Variants in CPT2 observed in about 807,000 individuals in gnomAD.
CPT2 encodes the protein carnitine palmitoyltransferase 2.
In CPT2, 37 loss-of-function variants were observed where a neutral mutation model predicts 48.6. The ratio of observed to expected loss-of-function variants is 0.76; its 90% confidence interval spans 0.59 to 1.00. The LOEUF is 1.00. CPT2 is among the 50% of genes least tolerant of loss of function. The pLI is 0.00. For missense variants in CPT2, 772 were observed against 825.6 expected, an observed-to-expected ratio of 0.94 and a Z score of 0.80; for synonymous variants, 319 against 326.9, an observed-to-expected ratio of 0.98 and a Z score of 0.26.
chr1:53,197,735 G>A (rs931857961), intron 1 of CPT2, among the ~76,000 whole-genome samples: 4 of 151,650 alleles, frequency 2.6e-5, no homozygotes, highest in Middle Eastern at 3.2e-3. Flanking sequence ...GTGTTCACCC[G>A]GAAACCTTTC....
At chr1:53,197,568 A>C (rs1572378657) in intron 1 of CPT2, 5 of 242,966 alleles carry the variant, frequency 2.1e-5, no homozygotes, top group South Asian at 4.1e-5. Context: ...CACCGCCTTC[A>C]CCCCTGTCAC....
In CPT2 at chr1:53,196,862, C is replaced by T. The variant is rs561846692; in HGVS notation, c.-82C>T. 1.3e-6 allele frequency: 2 copies of T among 1,498,054 alleles called. No individual in the cohort carries two copies. Among genetic ancestry groups the T allele is most frequent in the African/African-American group, 1.4e-5 (1 of 70,752 alleles). 92.8% of individuals were successfully genotyped at this position (1,498,054 alleles called of 1,614,324 possible). ...AGGAGTCCTGACGCAGTGTCTTGGG[C>T]GCTAACGGCGGCGGCGGCCTTGTGT... On this transcript the variant is annotated 5_prime_UTR_variant, in exon 1 of 5. Transcript: ENST00000371486.
chr1:53,206,974 TC>T (rs1440581238), intron 3 of CPT2, among the ~76,000 whole-genome samples: 1 of 152,162 alleles, frequency 6.6e-6, no homozygotes, highest in African/African-American at 2.4e-5. Context: ...ATTGTAATAA[TC>T]CCCAAGTGTC....
intron 3 of CPT2, 181 bp downstream of exon 3, chr1:53,202,610 T>C: frequency 1.5e-6 from 1 of 650,842 alleles, no homozygotes; most frequent in Non-Finnish European, 2.8e-6. Context: ...TACTGAGGTG[T>C]TGACTTGAGC....
At chr1:53,209,959 T>C in intron 3 of CPT2, 56 bp from the exon 4 acceptor site, 1 of 1,491,012 alleles carries the variant, frequency 6.7e-7, no homozygotes, top group Non-Finnish European at 9.3e-7. Flanking sequence ...TCTTCAAATT[T>C]TATTTTTAGG....
At chr1:53,197,668 C>T (rs1209795692) in intron 1 of CPT2, among the ~76,000 whole-genome samples, 2 of 151,960 alleles carry the variant, frequency 1.3e-5, no homozygotes, top group African/African-American at 4.8e-5. Context: ...GAAGTGTTCA[C>T]CCTTGTCCTC....
In CPT2 at chr1:53,196,889, T is replaced by C. The variant is rs989720857; in HGVS notation, c.-55T>C. On this transcript the variant is annotated 5_prime_UTR_variant, in exon 1 of 5. Transcript: ENST00000371486. ...CTAACGGCGGCGGCGGCCTTGTGTT[T>C]AGACTCCAGAACTCCCCACTTGCCG... 2.7e-4 allele frequency: 415 copies of C among 1,527,348 alleles called. No homozygotes were observed. Among genetic ancestry groups the C allele is most frequent in the Non-Finnish European group, 3.5e-4 (402 of 1,143,784 alleles). 94.6% of individuals were successfully genotyped at this position (1,527,348 alleles called of 1,614,324 possible).
intron 3 of CPT2, among the ~76,000 whole-genome samples, chr1:53,205,572 A>G (rs1238781828): frequency 1.3e-5 from 2 of 152,260 alleles, no homozygotes; most frequent in Non-Finnish European, 1.5e-5. Flanking sequence ...AGAAATTTGC[A>G]TAAGTAATGA....
Position 53,196,840 on chromosome 1 carries a change from A to C in CPT2, c.-104A>C. The C allele has an allele frequency of 7.1e-7, 1 of 1,413,062 alleles. No individual in the cohort carries two copies. The highest frequency in any genetic ancestry group is 2.6e-5 in the East Asian group (1 of 38,364). 87.5% of individuals were successfully genotyped at this position (1,413,062 alleles called of 1,614,324 possible). On this transcript the variant is annotated 5_prime_UTR_variant, in exon 1 of 5. Coordinates refer to ENST00000371486, the MANE Select transcript of CPT2 (RefSeq NM_000098.3). ...CCTGCGGGCGGAGAAGTGCCTCAGGAGTCCTGACGCAGTGTCTTGGGCGCT... is the reference window on the plus strand; with the variant it reads ...CCTGCGGGCGGAGAAGTGCCTCAGGCGTCCTGACGCAGTGTCTTGGGCGCT...
rs1251913291 is a variant in CPT2, at chr1:53,197,232, A to T, written c.152+137A>T. The T allele has an allele frequency of 3.7e-6, 4 of 1,083,776 alleles. No homozygotes were observed. In the Admixed American group the frequency reaches 6.0e-5, roughly 16 times the overall value. The allele number at this position is 1,083,776 out of a possible 1,614,324, so 67.1% of individuals were successfully genotyped here. A position where few individuals can be genotyped will look rare whatever the true frequency, so the allele number is the denominator to read the frequency against. ...TACCATGGAGGCTGCCACAGCCCCT[A>T]ATCTGGAAGTCTTGGGACTTTTCAC... On this transcript the variant is annotated intron_variant, in intron 1 of 4. Transcript: ENST00000371486.
chr1:53,206,182 CAAAAAAAA>C (rs951448638), intron 3 of CPT2, among the ~76,000 whole-genome samples: 3 of 58,926 alleles, frequency 5.1e-5, no homozygotes, highest in Admixed American at 1.8e-4. Context: ...GACTCCATTT[CAAAAAAAA>C]AAAAAAAAAA....
chr1:53,200,120 ATTGCTGTT>A (rs1438112889), intron 1 of CPT2: 1 of 153,008 alleles, frequency 6.5e-6, no homozygotes, highest in Non-Finnish European at 1.5e-5. Flanking sequence ...AAGTAGGCAA[ATTGCTGTT>A]CCTGTTATTT....
chr1:53,203,652 C>G (rs1156840242), intron 3 of CPT2: 1 of 152,222 alleles, frequency 6.6e-6, no homozygotes, highest in African/African-American at 2.4e-5. Flanking sequence ...TTGTGAACCT[C>G]TTGGCCTACT....
intron 3 of CPT2, among the ~76,000 whole-genome samples, chr1:53,205,837 T>C (rs1645384178): frequency 6.6e-6 from 1 of 152,208 alleles, no homozygotes; most frequent in Non-Finnish European, 1.5e-5. Context: ...CATTGGAGGC[T>C]TCCCCATGGT....
chr1:53,202,286 A>C, intron 2 of CPT2, 37 bp from the exon 3 acceptor site: 31 of 1,481,386 alleles, frequency 2.1e-5, no homozygotes, highest in Non-Finnish European at 2.8e-5. Context: ...TGTATTCCCT[A>C]CCATGGTTTG....
rs1269524902 is a variant in CPT2, at chr1:53,213,780, T to C, written c.*185T>C. On this transcript the variant is annotated 3_prime_UTR_variant, in exon 5 of 5. Transcript: ENST00000371486. ...CTTGTCTCTACTAAAAATACAAAAA[T>C]TAGCTGGGTGTGGTGGCATGTGCCT... 2 of 585,488 alleles carry C rather than the reference T, an allele frequency of 3.4e-6. No individual in the cohort carries two copies. The highest frequency in any genetic ancestry group is 5.7e-5 in the Admixed American group (2 of 35,236). 36.3% of individuals were successfully genotyped at this position (585,488 alleles called of 1,614,324 possible).
rs1572384488 is a variant in CPT2 at position 53,209,796 on chromosome 1, A to G, written c.341-219A>G. 53 of 585,448 alleles carry G rather than the reference A, an allele frequency of 9.1e-5. 1 individual carries two copies. In the East Asian group the frequency reaches 1.5e-3, roughly 16 times the overall value. The allele number at this position is 585,448 out of a possible 1,614,324, so 36.3% of individuals were successfully genotyped here. On this transcript the variant is annotated intron_variant, in intron 3 of 4. Coordinates refer to ENST00000371486, the MANE Select transcript of CPT2 (RefSeq NM_000098.3). ...CGTCCCAAAAAAACAAAACAAAAACATTATTGTAAGTGATAGAAGCTAAAT... is the reference window on the plus strand; with the variant it reads ...CGTCCCAAAAAAACAAAACAAAAACGTTATTGTAAGTGATAGAAGCTAAAT...
chr1:53,205,719 C>T (rs1052563440), intron 3 of CPT2, among the ~76,000 whole-genome samples: 39 of 152,250 alleles, frequency 2.6e-4, no homozygotes, highest in African/African-American at 9.4e-4. Context: ...CTGTTCTGTG[C>T]AGCCTCGGGA....
In CPT2 at chr1:53,210,635, G is replaced by T; in HGVS notation, c.961G>T (p.Ala321Ser). The change falls in exon 4 of 5, where the codon GCA becomes TCA. Residue 321 changes from alanine (A) to serine (S), a missense_variant. Ala to Ser is a moderately conservative substitution (Grantham distance 99). Coordinates refer to ENST00000371486, the MANE Select transcript of CPT2 (RefSeq NM_000098.3). Reference sequence around the variant, plus strand: ...GGAGAGCCTGAGGAAAGTGGACTCGGCAGTGTTCTGTCTCTGCCTAGATGA... The same window carrying T: ...GGAGAGCCTGAGGAAAGTGGACTCGTCAGTGTTCTGTCTCTGCCTAGATGA... ...NEESLRKVDSAVFCLCLDDFP... is the reference protein window; with the variant it reads ...NEESLRKVDSSVFCLCLDDFP... 1.2e-6 allele frequency: 2 copies of T among 1,614,138 alleles called. No homozygotes were observed. Among genetic ancestry groups the T allele is most frequent in the Non-Finnish European group, 1.7e-6 (2 of 1,180,028 alleles).
Sources: allele counts gnomAD v4.1 joint callset (sites outside exome capture counted in the v4.1 genomes callset), GRCh38; gene constraint gnomAD v4.1.1; transcripts MANE v1.5; gene names NCBI Gene and HGNC (gene_info 2026-07-23, HGNC 2026-07-21).